Variants in TMEM132D observed in about 807,000 individuals in gnomAD.
TMEM132D encodes transmembrane protein 132D.
In TMEM132D, 21 loss-of-function variants were observed where a neutral mutation model predicts 62.3. The ratio of observed to expected loss-of-function variants is 0.34; its 90% CI spans 0.24 to 0.49. The LOEUF (loss-of-function observed/expected upper bound fraction) is 0.49, where lower values mean the gene tolerates loss of function less well. TMEM132D is among the 20% of genes least tolerant of loss of function. The probability of loss-of-function intolerance (pLI) is 0.99; values close to 1 mark genes in which losing one functional copy is unlikely to be tolerated. For missense variants in TMEM132D, 1,346 were observed against 1,402.8 expected, an observed-to-expected ratio of 0.96 and a Z score of 0.65; for synonymous variants, 621 against 575.6, an observed-to-expected ratio of 1.08 and a Z score of -1.13.
chr12:129,492,865 G>T (rs934989139), intron 3 of TMEM132D, among the ~76,000 whole-genome samples: 4 of 152,124 alleles, frequency 2.6e-5, no homozygotes, highest in Admixed American at 2.0e-4. Context: ...AGAGGCATGT[G>T]ATCCAAGCCA....
intron 2 of TMEM132D, among the ~76,000 whole-genome samples, chr12:129,639,480 T>C (rs770323494): frequency 7.9e-5 from 12 of 151,618 alleles, no homozygotes; most frequent in African/African-American, 1.2e-4. Context: ...GGGCTTTAAA[T>C]GATTACTTCC....
At chr12:129,850,112 T>C (rs1413402111) in intron 1 of TMEM132D, among the ~76,000 whole-genome samples, 1 of 152,226 alleles carries the variant, frequency 6.6e-6, no homozygotes, top group African/African-American at 2.4e-5. Context: ...AGGTATTTTG[T>C]GGGAGAGCTG....
intron 2 of TMEM132D, among the ~76,000 whole-genome samples, chr12:129,603,599 C>T (rs1878538754): frequency 6.6e-6 from 1 of 152,098 alleles, no homozygotes; most frequent in Non-Finnish European, 1.5e-5. Context: ...TAGAGAAATG[C>T]AAATCAAAAC....
intron 5 of TMEM132D, among the ~76,000 whole-genome samples, chr12:129,204,991 A>G (rs1878803328): frequency 6.6e-6 from 1 of 152,212 alleles, no homozygotes; most frequent in Admixed American, 6.5e-5. Flanking sequence ...ATTTGTTACT[A>G]CCAGACCTGC....
At chr12:129,210,712 G>A (rs753148827) in intron 4 of TMEM132D, among the ~76,000 whole-genome samples, 16 of 152,146 alleles carry the variant, frequency 1.1e-4, no homozygotes, top group African/African-American at 1.7e-4. Context: ...AGCACCCAGC[G>A]CAGAGCTTAG....
chr12:129,437,607 A>T (rs1872820641), intron 3 of TMEM132D, among the ~76,000 whole-genome samples: 1 of 152,178 alleles, frequency 6.6e-6, no homozygotes, highest in Admixed American at 6.5e-5. Context: ...TGCTGGTAGG[A>T]ATGTGAACTG....
chr12:129,661,250 G>C (rs1397372248), intron 2 of TMEM132D, among the ~76,000 whole-genome samples: 1 of 152,230 alleles, frequency 6.6e-6, no homozygotes, highest in African/African-American at 2.4e-5. Context: ...CATGGACGCA[G>C]GCATACTGGA....
At chr12:129,681,191 T>C (rs747203710) in intron 2 of TMEM132D, among the ~76,000 whole-genome samples, 2 of 152,244 alleles carry the variant, frequency 1.3e-5, no homozygotes, top group Non-Finnish European at 2.9e-5. Context: ...CAAGTGGGGC[T>C]GATTAGTGAC....
In TMEM132D at chr12:129,220,169, A is replaced by G. The variant is rs575165066; in HGVS notation, c.1300-10506T>C. Among the ~76,000 whole-genome samples the G allele has an allele frequency of 2.6e-5, 4 of 152,280 alleles. No individual in the cohort carries two copies. The East Asian group carries it at 5.8e-4, about 22-fold the overall frequency. On this transcript the variant is annotated intron_variant, in intron 4 of 8. Transcript: ENST00000422113. ...TTCAGGAATATGGATGGGATTGAAG[A>G]AACAGATTTCAGCTGAGTTCCCAAG... is the stretch of plus-strand genomic sequence containing the variant.
At chr12:129,287,858 A>G (rs1881345444) in intron 4 of TMEM132D, among the ~76,000 whole-genome samples, 2 of 152,316 alleles carry the variant, frequency 1.3e-5, no homozygotes, top group African/African-American at 2.4e-5. Context: ...TTCACTGTAC[A>G]TGCGTGTATT....
In TMEM132D at chr12:129,660,508, T is replaced by C. The variant is rs144993133; in HGVS notation, c.968+39302A>G. On this transcript the variant is annotated intron_variant, in intron 2 of 8. Transcript: ENST00000422113. The stretch of plus-strand genomic sequence containing the variant: ...GGACTGTCACGTCCAATGTTGTCTG[T>C]GACATAACTCACAGATGTGTCCCCT... Among the ~76,000 whole-genome samples the C allele has an allele frequency of 2.0e-5, 3 of 152,274 alleles. No homozygotes were observed. In the East Asian group the frequency reaches 5.8e-4, roughly 29 times the overall value.
At chr12:129,366,897 TG>T (rs1353908043) in intron 3 of TMEM132D, among the ~76,000 whole-genome samples, 1 of 152,156 alleles carries the variant, frequency 6.6e-6, no homozygotes, top group Non-Finnish European at 1.5e-5. Flanking sequence ...GCTGTGGTTT[TG>T]GGGATTTAGG....
chr12:129,699,992 G>C lies in TMEM132D; in HGVS notation c.786C>G (p.Pro262=), dbSNP rs1190631898. ...AGATGCTCCCGATCCTCTGCAAGGGGGGCCCGGACTCATCGATGTCACTGT... is the reference window on the plus strand; with the variant it reads ...AGATGCTCCCGATCCTCTGCAAGGGCGGCCCGGACTCATCGATGTCACTGT... ...TGHSDIDESG[P]PLQRIGSIFL... The change falls in exon 2 of 9, where the codon CCC becomes CCG. Residue 262 remains proline, a synonymous_variant. Coordinates refer to ENST00000422113, the MANE Select transcript of TMEM132D (RefSeq NM_133448.3). The C allele has an allele frequency of 1.2e-6, 2 of 1,614,072 alleles. No individual in the cohort carries two copies. The highest frequency in any genetic ancestry group is 1.7e-6 in the Non-Finnish European group (2 of 1,180,040).
chr12:129,192,621 G>T (rs140528765), intron 5 of TMEM132D, among the ~76,000 whole-genome samples: 166 of 152,286 alleles, frequency 1.1e-3, no homozygotes, highest in African/African-American at 3.7e-3. Context: ...TGCCATTGGT[G>T]TCTCTTCTTA....
intron 2 of TMEM132D, among the ~76,000 whole-genome samples, chr12:129,689,203 T>C (rs138965814): frequency 9.8e-5 from 15 of 152,350 alleles, no homozygotes; most frequent in East Asian, 5.8e-4. Flanking sequence ...GGTCACATGG[T>C]GACCTTCTAG....
chr12:129,499,725 G>A (rs1038719831), intron 3 of TMEM132D, among the ~76,000 whole-genome samples: 2 of 152,138 alleles, frequency 1.3e-5, no homozygotes, highest in African/African-American at 2.4e-5. Context: ...CACTTCAGAG[G>A]GTCTTTAGGT....
At chr12:129,512,721 A>G (rs148887351) in intron 3 of TMEM132D, among the ~76,000 whole-genome samples, 3 of 152,340 alleles carry the variant, frequency 2.0e-5, no homozygotes, top group Non-Finnish European at 4.4e-5. Context: ...TAACTATAGC[A>G]GGAGTCCTCA....
At chr12:129,735,007 G>A (rs2137254895) in intron 1 of TMEM132D, among the ~76,000 whole-genome samples, 1 of 152,046 alleles carries the variant, frequency 6.6e-6, no homozygotes, top group Non-Finnish European at 1.5e-5. Flanking sequence ...GAAATAAATA[G>A]GAATTGCCCA....
intron 1 of TMEM132D, among the ~76,000 whole-genome samples, chr12:129,847,196 C>A (rs1873390223): frequency 6.6e-6 from 1 of 152,158 alleles, no homozygotes; most frequent in East Asian, 1.9e-4. Flanking sequence ...TTGGCAACTG[C>A]AACCAAGAGC....
Sources: gnomAD v4.1 joint callset for allele counts (sites outside exome capture counted in the v4.1 genomes callset) on GRCh38, gnomAD v4.1.1 for gene constraint, MANE v1.5 for transcripts, NCBI Gene and HGNC (gene_info 2026-07-23, HGNC 2026-07-21) for gene names.